PPP6R2: variants seen among roughly 807,000 people sequenced by gnomAD.
The protein encoded by PPP6R2 is serine/threonine-protein phosphatase 6 regulatory subunit 2.
In PPP6R2, 62 loss-of-function variants were observed where a neutral mutation model predicts 100.2. That is an observed-to-expected ratio of 0.62 (90% CI 0.50 to 0.76). The LOEUF is 0.76. Ranked by LOEUF, PPP6R2 falls within the 30% of genes least tolerant of loss-of-function variation. The pLI is 0.00. For missense variants in PPP6R2, 1,142 were observed against 1,276.3 expected, an observed-to-expected ratio of 0.89 and a Z score of 1.60; for synonymous variants, 525 against 514.7, an observed-to-expected ratio of 1.02 and a Z score of -0.27.
At chr22:50,395,362 G>T (rs537317904) in intron 3 of PPP6R2, among the ~76,000 whole-genome samples, 1 of 152,276 alleles carries the variant, frequency 6.6e-6, no homozygotes, top group East Asian at 1.9e-4. Context: ...AGCAAGGATG[G>T]GGCTGGGGCG....
At position 50,431,480 on chromosome 22, in the gene PPP6R2, T is replaced by C; in HGVS notation, c.1335+98T>C. The C allele has an allele frequency of 1.8e-6, 2 of 1,133,462 alleles. No individual in the cohort carries two copies. The highest frequency in any genetic ancestry group is 2.5e-6 in the Non-Finnish European group (2 of 796,052). The allele number at this position is 1,133,462 out of a possible 1,614,324, so 70.2% of individuals were successfully genotyped here. A position where few individuals can be genotyped will look rare whatever the true frequency, so the allele number is the denominator to read the frequency against. ...CGTGTGCCGGACCTCACTGTGCAGCTGACACGGGGGCAGGGCTTTGAAAAG... is the reference window on the plus strand; with the variant it reads ...CGTGTGCCGGACCTCACTGTGCAGCCGACACGGGGGCAGGGCTTTGAAAAG... On this transcript the variant is annotated intron_variant, in intron 11 of 23. Coordinates refer to ENST00000612753, the MANE Select transcript of PPP6R2 (RefSeq NM_001242898.2). This position sits in a 1 kb window ranked among gnomAD's most constrained non-coding sequence, Gnocchi z 4.8.
intron 4 of PPP6R2, among the ~76,000 whole-genome samples, chr22:50,412,966 G>GTT (rs771385649): frequency 5.8e-5 from 7 of 121,416 alleles, no homozygotes; most frequent in East Asian, 4.9e-4. Flanking sequence ...TTTTTTTTTT[G>GTT]TTTTTTTTTT....
At position 50,423,413 on chromosome 22, in the gene PPP6R2, G is replaced by A. The variant is rs762377556; in HGVS notation, c.973-49G>A. Reference sequence around the variant, plus strand: ...CATGAGCCCAGAGACTCCAGCAGTGGCCTCACTGCTCACAGGGCCTAACTG... The same window carrying A: ...CATGAGCCCAGAGACTCCAGCAGTGACCTCACTGCTCACAGGGCCTAACTG... On this transcript the variant is annotated intron_variant, in intron 9 of 23. Coordinates refer to ENST00000612753, the MANE Select transcript of PPP6R2 (RefSeq NM_001242898.2). The surrounding 1 kb of genome is among the most constrained non-coding windows in gnomAD (Gnocchi z 4.8). The A allele has an allele frequency of 6.2e-7, 1 of 1,605,600 alleles. No homozygotes were observed. Among genetic ancestry groups the A allele is most frequent in the Non-Finnish European group, 8.5e-7 (1 of 1,172,902 alleles).
chr22:50,410,039 T>C (rs1410043213), intron 4 of PPP6R2, among the ~76,000 whole-genome samples: 1 of 152,184 alleles, frequency 6.6e-6, no homozygotes, highest in Middle Eastern at 3.2e-3. Flanking sequence ...ATTTTGTTTT[T>C]TGTTTTTATT....
chr22:50,441,207 G>A (rs1017349950), intron 22 of PPP6R2, 181 bp downstream of exon 22: 16 of 602,316 alleles, frequency 2.7e-5, no homozygotes, highest in Admixed American at 1.8e-4. Context: ...GTGCCCACGC[G>A]TTTACGTGGA....
intron 1 of PPP6R2, among the ~76,000 whole-genome samples, chr22:50,364,571 T>C (rs1012073060): frequency 6.6e-6 from 1 of 152,206 alleles, no homozygotes; most frequent in African/African-American, 2.4e-5. Context: ...AACTGAGTTA[T>C]AATTCTCTGA....
At chr22:50,403,709 A>C (rs1274397594) in intron 3 of PPP6R2, among the ~76,000 whole-genome samples, 1 of 151,612 alleles carries the variant, frequency 6.6e-6, no homozygotes, top group Non-Finnish European at 1.5e-5. Flanking sequence ...TCCCAAACCC[A>C]AGCCTGCTGG....
chr22:50,431,471 C>A lies in PPP6R2; in HGVS notation c.1335+89C>A. 8.3e-7 allele frequency: 1 copy of A among 1,207,330 alleles called. No individual in the cohort carries two copies. Among genetic ancestry groups the A allele is most frequent in the Non-Finnish European group, 1.2e-6 (1 of 858,362 alleles). The allele number at this position is 1,207,330 out of a possible 1,614,324, so 74.8% of individuals were successfully genotyped here. A position where few individuals can be genotyped will look rare whatever the true frequency, so the allele number is the denominator to read the frequency against. ...CAGCGCTGACGTGTGCCGGACCTCACTGTGCAGCTGACACGGGGGCAGGGC... is the reference window on the plus strand; with the variant it reads ...CAGCGCTGACGTGTGCCGGACCTCAATGTGCAGCTGACACGGGGGCAGGGC... On this transcript the variant is annotated intron_variant, in intron 11 of 23. Transcript: ENST00000612753. This position sits in a 1 kb window ranked among gnomAD's most constrained non-coding sequence, Gnocchi z 4.8.
chr22:50,340,145 GGTGTGTGTAGGGCGTGTGGT>G (rs1251873129), upstream of PPP6R2, among the ~76,000 whole-genome samples: 1 of 137,572 alleles, frequency 7.3e-6, no homozygotes, highest in Non-Finnish European at 1.6e-5. Flanking sequence ...TACAGTGTGT[GGTGTGTGTAGGGCGTGTGGT>G]GTGTGTGTAG....
chr22:50,425,769 G>A (rs868800443), intron 10 of PPP6R2, among the ~76,000 whole-genome samples: 16 of 152,098 alleles, frequency 1.1e-4, no homozygotes, highest in South Asian at 4.1e-4. Context: ...CAGTGTCTCC[G>A]TGTGACAAGT....
intron 10 of PPP6R2, among the ~76,000 whole-genome samples, chr22:50,424,345 C>CGCGTGTGGAAGGTCCGTCA (rs1569472044): frequency 0.034 from 3,781 of 110,924 alleles, 105 homozygotes; most frequent in East Asian, 0.058. Context: ...AAGGTCTGTC[C>CGCGTGTGGAAGGTCCGTCA]GCGTGTGGAA....
intron 2 of PPP6R2, among the ~76,000 whole-genome samples, chr22:50,378,900 AG>A (rs1348447031): frequency 1.3e-5 from 2 of 148,298 alleles, no homozygotes; most frequent in Non-Finnish European, 1.5e-5. Context: ...AAAAAAAAAA[AG>A]GTGAGGCCTA....
chr22:50,350,195 A>G (rs1408493211), intron 1 of PPP6R2, among the ~76,000 whole-genome samples: 2 of 152,312 alleles, frequency 1.3e-5, no homozygotes, highest in African/African-American at 2.4e-5. Flanking sequence ...CTGAGATTGC[A>G]GCAATTCAGT....
At chr22:50,343,147 C>A (rs1266736739), upstream of PPP6R2, among the ~76,000 whole-genome samples, 1 of 151,882 alleles carries the variant, frequency 6.6e-6, no homozygotes, top group Non-Finnish European at 1.5e-5. Context: ...TCCAAGGCAG[C>A]AGTCAGCACA....
intron 3 of PPP6R2, among the ~76,000 whole-genome samples, chr22:50,402,864 G>T (rs1488226025): frequency 6.6e-6 from 1 of 152,230 alleles, no homozygotes; most frequent in Non-Finnish European, 1.5e-5. Context: ...TAGAGAATCA[G>T]TGTCTTCTAG....
At chr22:50,381,289 C>T (rs1206152827) in intron 2 of PPP6R2, among the ~76,000 whole-genome samples, 4 of 134,180 alleles carry the variant, frequency 3.0e-5, no homozygotes, top group East Asian at 4.4e-4. Flanking sequence ...CACACGGGCC[C>T]CACCTCAGCA....
intron 4 of PPP6R2, among the ~76,000 whole-genome samples, chr22:50,411,565 C>CT (rs1340703697): frequency 1.3e-5 from 2 of 151,540 alleles, no homozygotes; most frequent in Admixed American, 1.3e-4. Context: ...CCAGCCTGGC[C>CT]CAACATGGTG....
At chr22:50,406,571 T>G in intron 3 of PPP6R2, 118 bp from the exon 4 acceptor site, 1 of 899,690 alleles carries the variant, frequency 1.1e-6, no homozygotes, top group Admixed American at 2.2e-5. Context: ...TGTTCTGAGG[T>G]CTGTAGTGTT....
intron 1 of PPP6R2, among the ~76,000 whole-genome samples, chr22:50,354,591 TGA>T (rs1268189443): frequency 6.6e-6 from 1 of 151,662 alleles, no homozygotes; most frequent in East Asian, 2.0e-4. Flanking sequence ...TTTGGGAGGC[TGA>T]GGTGGGTGGA....
Sources: allele counts gnomAD v4.1 joint callset (sites outside exome capture counted in the v4.1 genomes callset), GRCh38; gene constraint gnomAD v4.1.1; non-coding constraint Gnocchi (gnomAD v3.1); transcripts MANE v1.5; gene names NCBI Gene and HGNC (gene_info 2026-07-23, HGNC 2026-07-21).